SRPK2: variants seen among roughly 807,000 people sequenced by gnomAD.
The protein encoded by SRPK2 is SRSF protein kinase 2, also known as SFRS protein kinase 2.
In SRPK2, 21 loss-of-function variants were observed where a neutral mutation model predicts 90.8. That is an observed-to-expected ratio of 0.23 (90% CI 0.16 to 0.33). SRPK2 has a LOEUF of 0.33. SRPK2 is among the 10% of genes least tolerant of loss of function. The pLI is 1.00. For missense variants in SRPK2, 620 were observed against 869.0 expected (o/e 0.71, Z 3.60); for synonymous variants, 288 against 311.1 (o/e 0.93, Z 0.78).
intron 7 of SRPK2, 34 bp from the exon 8 acceptor site, chr7:105,146,692 T>A (rs1804670575): frequency 1.3e-6 from 2 of 1,591,752 alleles, no homozygotes; most frequent in African/African-American, 2.7e-5. Flanking sequence ...GAAGATAAGC[T>A]ATTAATATCT....
At chr7:105,165,022 C>G (rs899788942) in intron 6 of SRPK2, among the ~76,000 whole-genome samples, 15 of 152,200 alleles carry the variant, frequency 9.9e-5, no homozygotes, top group African/African-American at 3.6e-4. Context: ...AAAGGGCTAT[C>G]TCAGAGGATC....
chr7:105,122,286 AATTGGACTT>A (rs1333748413), intron 15 of SRPK2, among the ~76,000 whole-genome samples: 2 of 152,236 alleles, frequency 1.3e-5, no homozygotes, highest in East Asian at 3.8e-4. Context: ...AATGTATATA[AATTGGACTT>A]CATCAAAATT....
At chr7:105,210,499 C>G (rs1052885482) in intron 2 of SRPK2, among the ~76,000 whole-genome samples, 14 of 152,106 alleles carry the variant, frequency 9.2e-5, no homozygotes, top group Admixed American at 9.2e-4. Context: ...TACTTGGGAC[C>G]AGATAATGTT....
At chr7:105,206,372 A>G in intron 2 of SRPK2, 1 of 183,648 alleles carries the variant, frequency 5.4e-6, no homozygotes, top group East Asian at 1.4e-4. Flanking sequence ...CCTTCATTAT[A>G]ATGTCTCTCT....
Position 105,132,866 on chromosome 7 carries a change from A to T in SRPK2, c.1677T>A (p.Arg559=), listed in dbSNP as rs139378845. The change falls in exon 13 of 16, where the codon CGT becomes CGA. Residue 559 remains arginine (R), a synonymous_variant. Coordinates refer to ENST00000393651, the MANE Select transcript of SRPK2 (RefSeq NM_182692.3). ...TTAAAACCTCTATGGAGCGGTACTG[A>T]CGCGTCTGGATGTCTTCCGTGAAGT... ...HKHFTEDIQT[R]QYRSIEVLIG... The T allele has an allele frequency of 6.2e-7, 1 of 1,611,670 alleles. No homozygotes were observed. Among genetic ancestry groups the T allele is most frequent in the African/African-American group, 1.3e-5 (1 of 74,830 alleles).
intron 3 of SRPK2, among the ~76,000 whole-genome samples, chr7:105,186,227 T>C (rs964486859): frequency 3.3e-5 from 5 of 152,218 alleles, no homozygotes; most frequent in African/African-American, 7.2e-5. Flanking sequence ...AGGGAGTACA[T>C]GTGCAGGTTT....
At chr7:105,198,391 C>T (rs950173848) in intron 3 of SRPK2, among the ~76,000 whole-genome samples, 5 of 152,160 alleles carry the variant, frequency 3.3e-5, no homozygotes, top group Admixed American at 6.5e-5. Flanking sequence ...CAAGGCCTCC[C>T]GACAGTGTTT....
intron 2 of SRPK2, among the ~76,000 whole-genome samples, chr7:105,359,668 T>C (rs757273788): frequency 5.3e-5 from 8 of 152,204 alleles, no homozygotes; most frequent in Non-Finnish European, 1.0e-4. Flanking sequence ...AGTCATCTGA[T>C]AATTCCTGTG....
intron 2 of SRPK2, among the ~76,000 whole-genome samples, chr7:105,368,624 C>T (rs936086063): frequency 6.6e-6 from 1 of 152,110 alleles, no homozygotes; most frequent in Non-Finnish European, 1.5e-5. Context: ...GCGGCTCAAG[C>T]CTGTAATCCC....
At chr7:105,366,091 G>C (rs964886277) in intron 2 of SRPK2, among the ~76,000 whole-genome samples, 7 of 152,098 alleles carry the variant, frequency 4.6e-5, no homozygotes, top group African/African-American at 1.7e-4. Flanking sequence ...TTGACCTTGT[G>C]ATCCGCCCAC....
intron 6 of SRPK2, among the ~76,000 whole-genome samples, chr7:105,167,175 A>G (rs1790180966): frequency 6.6e-6 from 1 of 152,218 alleles, no homozygotes; most frequent in Non-Finnish European, 1.5e-5. Context: ...TGTGTTAAAA[A>G]TAAGTTTCTA....
At chr7:105,236,704 G>A (rs1800186159) in intron 2 of SRPK2, among the ~76,000 whole-genome samples, 1 of 152,106 alleles carries the variant, frequency 6.6e-6, no homozygotes, top group Non-Finnish European at 1.5e-5. Flanking sequence ...ACTTGCCAGA[G>A]AGAAGACAAG....
chr7:105,332,489 C>A (rs142265222), intron 2 of SRPK2, among the ~76,000 whole-genome samples: 2 of 152,108 alleles, frequency 1.3e-5, no homozygotes, highest in African/African-American at 4.8e-5. Flanking sequence ...GTAGGCCAGG[C>A]GCAGTGTCTC....
chr7:105,348,778 A>T (rs977115920), intron 2 of SRPK2, among the ~76,000 whole-genome samples: 4 of 148,940 alleles, frequency 2.7e-5, no homozygotes, highest in South Asian at 2.1e-4. Context: ...GATACACTTT[A>T]AAAAAAAAAA....
At chr7:105,263,010 T>C (rs1436558323) in intron 2 of SRPK2, among the ~76,000 whole-genome samples, 2 of 152,156 alleles carry the variant, frequency 1.3e-5, no homozygotes, top group African/African-American at 2.4e-5. Context: ...GCAAGCTTCA[T>C]TAACCAAAAG....
chr7:105,302,196 TG>T, intron 2 of SRPK2: 2 of 797,416 alleles, frequency 2.5e-6, no homozygotes, highest in Non-Finnish European at 4.4e-6. Flanking sequence ...AAATAATTTT[TG>T]TATGTTTCTT....
At chr7:105,331,006 GA>G (rs199551364) in intron 2 of SRPK2, among the ~76,000 whole-genome samples, 7 of 146,212 alleles carry the variant, frequency 4.8e-5, no homozygotes, top group African/African-American at 7.5e-5. Context: ...TTAATTAAAA[GA>G]AAAAAAAAAG....
intron 2 of SRPK2, among the ~76,000 whole-genome samples, chr7:105,298,433 G>A (rs1365043325): frequency 1.3e-5 from 2 of 152,172 alleles, no homozygotes; most frequent in Non-Finnish European, 2.9e-5. Flanking sequence ...AAAAAGAAAT[G>A]CTGCTACAAG....
intron 2 of SRPK2, among the ~76,000 whole-genome samples, chr7:105,266,481 G>A (rs1805095346): frequency 6.6e-6 from 1 of 152,064 alleles, no homozygotes; most frequent in South Asian, 2.1e-4. Context: ...CAGTTGTGGT[G>A]AATGATAACT....
Sources: gnomAD v4.1 joint callset for allele counts (sites outside exome capture counted in the v4.1 genomes callset) on GRCh38, gnomAD v4.1.1 for gene constraint, MANE v1.5 for transcripts, NCBI Gene and HGNC (gene_info 2026-07-23, HGNC 2026-07-21) for gene names.